Variants in CYP2C19 observed in about 807,000 individuals in gnomAD.
The protein encoded by CYP2C19 is cytochrome P450 2C19.
In CYP2C19, 59 loss-of-function variants were observed where a neutral mutation model predicts 40.9. That is an observed-to-expected ratio of 1.44 (90% CI 1.17 to 1.79). The LOEUF (loss-of-function observed/expected upper bound fraction) is 1.79. Ranked by LOEUF, CYP2C19 falls within the 40% of genes most tolerant of loss-of-function variation. CYP2C19 has a pLI of 0.00. For missense variants in CYP2C19, 754 were observed against 596.9 expected, an observed-to-expected ratio of 1.26 and a Z score of -2.74; for synonymous variants, 253 against 208.7, an observed-to-expected ratio of 1.21 and a Z score of -1.83.
chr10:94,819,109 G>A (rs1469244822), intron 5 of CYP2C19, among the ~76,000 whole-genome samples: 4 of 150,534 alleles, frequency 2.7e-5, no homozygotes, highest in African/African-American at 4.9e-5. Context: ...TCAACTACAT[G>A]GAAACTGAAC....
At chr10:94,805,245 A>C (rs1458810989) in intron 5 of CYP2C19, among the ~76,000 whole-genome samples, 2 of 151,996 alleles carry the variant, frequency 1.3e-5, no homozygotes, top group African/African-American at 4.8e-5. Flanking sequence ...TTATAGTTTT[A>C]TGAGTATTTT....
chr10:94,851,522 A>T (rs1006848359), intron 8 of CYP2C19, among the ~76,000 whole-genome samples: 1 of 152,110 alleles, frequency 6.6e-6, no homozygotes, highest in African/African-American at 2.4e-5. Flanking sequence ...TCTAGGTGAC[A>T]CATGCTGTCT....
intron 5 of CYP2C19, among the ~76,000 whole-genome samples, chr10:94,812,313 C>T (rs1284312845): frequency 6.6e-6 from 1 of 151,982 alleles, no homozygotes; most frequent in Non-Finnish European, 1.5e-5. Flanking sequence ...AACATTTTTC[C>T]TTTCTTTTAA....
chr10:94,801,853 C>T (rs1036197075), intron 5 of CYP2C19, among the ~76,000 whole-genome samples: 9 of 152,122 alleles, frequency 5.9e-5, no homozygotes, highest in Non-Finnish European at 1.2e-4. Context: ...CTGGTGCGTT[C>T]GTGGTCTTGT....
intron 5 of CYP2C19, among the ~76,000 whole-genome samples, chr10:94,799,026 A>G (rs1218713475): frequency 1.3e-5 from 2 of 151,818 alleles, no homozygotes; most frequent in Admixed American, 6.6e-5. Flanking sequence ...TTGTTATATG[A>G]GAATTTGATC....
At position 94,849,649 on chromosome 10, in the gene CYP2C19, A is replaced by C. The variant is rs1355239113; in HGVS notation, c.1150-268A>C. Among the ~76,000 whole-genome samples, 13 of 105,166 alleles carry C rather than the reference A, an allele frequency of 1.2e-4. No homozygotes were observed. The East Asian group carries it at 4.1e-3, about 33-fold the overall frequency. 69.0% of individuals were successfully genotyped at this position (105,166 alleles called of 152,430 possible). A position where few individuals can be genotyped will look rare whatever the true frequency, so the allele number is the denominator to read the frequency against. ...CTCCCCCCTCCCCCCACCCCACAAC[A>C]GTCCCCGAAGTGTGATGTTCCCCTT... On this transcript the variant is annotated intron_variant, in intron 7 of 8. Transcript: ENST00000371321.
chr10:94,852,928 G>T lies in CYP2C19; in HGVS notation c.*14G>T, dbSNP rs1849677919. Reference sequence around the variant, plus strand: ...ATTCCTGTCTGAAGAAGCACAGATGGTCTGGCTGCTCCTGTGCTGTCCCTG... The same window carrying T: ...ATTCCTGTCTGAAGAAGCACAGATGTTCTGGCTGCTCCTGTGCTGTCCCTG... On this transcript the variant is annotated 3_prime_UTR_variant, in exon 9 of 9. Transcript: ENST00000371321. 4 of 1,613,638 alleles carry T rather than the reference G, an allele frequency of 2.5e-6. No individual in the cohort carries two copies. The highest frequency in any genetic ancestry group is 3.4e-6 in the Non-Finnish European group (4 of 1,179,722).
At chr10:94,795,397 C>T (rs1019329729) in intron 5 of CYP2C19, among the ~76,000 whole-genome samples, 1 of 152,054 alleles carries the variant, frequency 6.6e-6, no homozygotes, top group Non-Finnish European at 1.5e-5. Context: ...TTAATCCAGT[C>T]TATCATTGAT....
chr10:94,791,318 G>A lies in CYP2C19; in HGVS notation c.819+9321G>A, dbSNP rs536279406. Among the ~76,000 whole-genome samples, 16 of 152,088 alleles carry A rather than the reference G, an allele frequency of 1.1e-4. No individual in the cohort carries two copies. In the East Asian group the frequency reaches 3.1e-3, roughly 29 times the overall value. ...TTTTGTTGATCTTTTCAAAAAACCAGCTCCTGGATTCATTAACTTTTTGAA... is the reference window on the plus strand; with the variant it reads ...TTTTGTTGATCTTTTCAAAAAACCAACTCCTGGATTCATTAACTTTTTGAA... On this transcript the variant is annotated intron_variant, in intron 5 of 8. Transcript: ENST00000371321.
Position 94,852,966 on chromosome 10 carries a change from C to A in CYP2C19, c.*52C>A. The A allele has an allele frequency of 4.4e-6, 7 of 1,585,260 alleles. No homozygotes were observed. Among genetic ancestry groups the A allele is most frequent in the Non-Finnish European group, 6.0e-6 (7 of 1,158,788 alleles). ...TGTGCTGTCCCTGCAGCTCTCTTTC[C>A]TCTGGTCCAAATTTCACTATCTGTG... On this transcript the variant is annotated 3_prime_UTR_variant, in exon 9 of 9. Coordinates refer to ENST00000371321, the MANE Select transcript of CYP2C19 (RefSeq NM_000769.4).
intron 5 of CYP2C19, among the ~76,000 whole-genome samples, chr10:94,790,134 G>T (rs1322263148): frequency 6.6e-6 from 1 of 151,986 alleles, no homozygotes; most frequent in Non-Finnish European, 1.5e-5. Context: ...CTCATGATTT[G>T]GCTCTCTGTT....
Position 94,832,503 on chromosome 10 carries a change from C to A in CYP2C19, c.962-10334C>A, listed in dbSNP as rs375292923. On this transcript the variant is annotated intron_variant, in intron 6 of 8. Transcript: ENST00000371321. Reference sequence around the variant, plus strand: ...TTGGGGTGTGGGGATTATTACAATTCAAGATGAGATTTGGGGTGGGGACAC... The same window carrying A: ...TTGGGGTGTGGGGATTATTACAATTAAAGATGAGATTTGGGGTGGGGACAC... Among the ~76,000 whole-genome samples the A allele has an allele frequency of 9.1e-4, 139 of 152,280 alleles. 1 individual carries two copies. Among genetic ancestry groups the A allele is most frequent in the African/African-American group, 3.2e-3 (135 of 41,554 alleles).
At chr10:94,765,988 G>T (rs1028289236) in intron 1 of CYP2C19, among the ~76,000 whole-genome samples, 2 of 152,116 alleles carry the variant, frequency 1.3e-5, no homozygotes, top group South Asian at 2.1e-4. Flanking sequence ...AATAGGTGAG[G>T]TTGGAAATGT....
chr10:94,800,793 A>G (rs1354978385), intron 5 of CYP2C19, among the ~76,000 whole-genome samples: 1 of 152,162 alleles, frequency 6.6e-6, no homozygotes, highest in Non-Finnish European at 1.5e-5. Flanking sequence ...CTAGCAGTGA[A>G]CAAGGCTCCA....
chr10:94,844,757 G>A (rs1426865232), intron 7 of CYP2C19, among the ~76,000 whole-genome samples: 1 of 152,138 alleles, frequency 6.6e-6, no homozygotes, highest in Non-Finnish European at 1.5e-5. Flanking sequence ...CACAAACACA[G>A]GAGATAACCA....
intron 3 of CYP2C19, among the ~76,000 whole-genome samples, chr10:94,779,853 C>T (rs1490682062): frequency 6.6e-6 from 1 of 152,092 alleles, no homozygotes; most frequent in Admixed American, 6.5e-5. Context: ...AGCCAGTGTG[C>T]CCTATCTAAT....
At chr10:94,806,358 G>A (rs1258515274) in intron 5 of CYP2C19, among the ~76,000 whole-genome samples, 1 of 151,966 alleles carries the variant, frequency 6.6e-6, no homozygotes, top group Non-Finnish European at 1.5e-5. Context: ...ATGTTATTAT[G>A]CATATGGGTA....
In CYP2C19 at chr10:94,842,882, G is replaced by A. The variant is rs143833145; in HGVS notation, c.1007G>A (p.Ser336Asn). Residue 336 changes from serine to asparagine, a missense_variant, in exon 7 of 9, where the codon AGC (serine) becomes AAC (asparagine). Ser to Asn is a conservative substitution (Grantham distance 46, BLOSUM62 1). Transcript: ENST00000371321. ...EIERVIGRNR[S>N]PCMQDRGHMP... is the part of the protein sequence containing the mutation. ...GAACGTGTCATTGGCAGAAACCGGA[G>A]CCCCTGCATGCAGGACAGGGGCCAC... 1 of 1,614,034 alleles carries A rather than the reference G, an allele frequency of 6.2e-7. No individual in the cohort carries two copies. The highest frequency in any genetic ancestry group is 8.5e-7 in the Non-Finnish European group (1 of 1,180,042).
chr10:94,833,411 T>C (rs931386993), intron 6 of CYP2C19, among the ~76,000 whole-genome samples: 1 of 152,198 alleles, frequency 6.6e-6, no homozygotes, highest in Non-Finnish European at 1.5e-5. Flanking sequence ...ATAGCTTTTT[T>C]TATGTTGAGG....
Sources: allele counts gnomAD v4.1 joint callset (sites outside exome capture counted in the v4.1 genomes callset), GRCh38; gene constraint gnomAD v4.1.1; transcripts MANE v1.5; gene names NCBI Gene and HGNC (gene_info 2026-07-23, HGNC 2026-07-21).